Variants in APBA2 observed in about 807,000 individuals in gnomAD.
The protein encoded by APBA2 is amyloid beta precursor protein binding family A member 2, also known as amyloid-beta A4 precursor protein-binding family A member 2.
In APBA2, 30 loss-of-function variants were observed where a neutral mutation model predicts 75.0. That is an observed-to-expected ratio of 0.40 (90% confidence interval 0.30 to 0.54). The LOEUF is 0.54. Ranked by LOEUF, APBA2 falls within the 20% of genes least tolerant of loss-of-function variation. The probability of loss-of-function intolerance (pLI) is 0.49; values close to 1 mark genes in which losing one functional copy is unlikely to be tolerated. For missense variants in APBA2, 801 were observed against 1,016.1 expected, an observed-to-expected ratio of 0.79 and a Z score of 2.88; for synonymous variants, 444 against 409.6, an observed-to-expected ratio of 1.08 and a Z score of -1.01.
chr15:29,027,174 AAAAT>A (rs2040264115), intron 3 of APBA2, among the ~76,000 whole-genome samples: 1 of 152,242 alleles, frequency 6.6e-6, no homozygotes. Flanking sequence ...ATCCTTTCAT[AAAAT>A]AAATTGCTTC....
chr15:28,955,914 C>G (rs539504067), intron 2 of APBA2, among the ~76,000 whole-genome samples: 6 of 152,200 alleles, frequency 3.9e-5, no homozygotes, highest in Non-Finnish European at 5.9e-5. Flanking sequence ...CTCCTGCAGG[C>G]AGGGCCGTGG....
intron 3 of APBA2, among the ~76,000 whole-genome samples, chr15:29,016,988 GT>G (rs1287699049): frequency 1.3e-5 from 2 of 152,046 alleles, no homozygotes; most frequent in African/African-American, 4.8e-5. Flanking sequence ...CAAAATAACT[GT>G]GTAAGTTCAG....
chr15:29,104,472 G>T (rs1052806472), intron 10 of APBA2, among the ~76,000 whole-genome samples: 1 of 152,256 alleles, frequency 6.6e-6, no homozygotes, highest in Admixed American at 6.5e-5. Context: ...GCAGGCGGCC[G>T]GCCAGGCCCT....
At chr15:29,062,792 C>T (rs2042187718) in intron 4 of APBA2, among the ~76,000 whole-genome samples, 1 of 152,196 alleles carries the variant, frequency 6.6e-6, no homozygotes, top group Non-Finnish European at 1.5e-5. Flanking sequence ...GTTAGGAATG[C>T]TGGAGCCACA....
chr15:29,010,149 A>G (rs1474341312), intron 3 of APBA2, among the ~76,000 whole-genome samples: 1 of 152,166 alleles, frequency 6.6e-6, no homozygotes, highest in Non-Finnish European at 1.5e-5. Context: ...AGACTGTTGA[A>G]TATCTCTTTC....
At chr15:29,077,292 T>C (rs1361724475) in intron 6 of APBA2, among the ~76,000 whole-genome samples, 2 of 152,158 alleles carry the variant, frequency 1.3e-5, no homozygotes, top group Non-Finnish European at 2.9e-5. Flanking sequence ...AGCTGGCACC[T>C]CGTGAGCAGG....
intron 1 of APBA2, among the ~76,000 whole-genome samples, chr15:28,895,243 G>A (rs2032400551): frequency 1.3e-5 from 2 of 152,330 alleles, no homozygotes; most frequent in East Asian, 1.9e-4. Context: ...GGGTGACAGC[G>A]CAGGTGTGGC....
At chr15:28,888,008 C>T (rs2031871530) in intron 1 of APBA2, among the ~76,000 whole-genome samples, 1 of 152,080 alleles carries the variant, frequency 6.6e-6, no homozygotes. Context: ...TGGGTGGGCG[C>T]TGGAAGGAGG....
chr15:29,117,312 G>GTCT lies in APBA2; in HGVS notation c.*181_*183dup. ...TTTTCATTTTGCCAAAAAGGGGTAT[G>GTCT]TCTTTATCAAAGGAGAGTCACAGAA... is the stretch of plus-strand genomic sequence containing the variant. On this transcript the variant is annotated 3_prime_UTR_variant, in exon 15 of 15. Transcript: ENST00000683413. 1.6e-6 allele frequency: 1 copy of GTCT among 619,542 alleles called. No homozygotes were observed. Among genetic ancestry groups the GTCT allele is most frequent in the East Asian group, 2.7e-5 (1 of 36,428 alleles). The allele number at this position is 619,542 out of a possible 1,614,324, so 38.4% of individuals were successfully genotyped here.
At chr15:28,941,567 C>T (rs2035228857) in intron 2 of APBA2, among the ~76,000 whole-genome samples, 3 of 146,984 alleles carry the variant, frequency 2.0e-5, no homozygotes, top group Admixed American at 2.0e-4. Flanking sequence ...ACATAAAAGG[C>T]ACACATAGTG....
intron 6 of APBA2, 114 bp from the exon 7 acceptor site, chr15:29,092,961 C>G (rs1162880673): frequency 1.4e-6 from 2 of 1,398,168 alleles, no homozygotes; most frequent in Middle Eastern, 1.8e-4. Context: ...TTGGGCCCTT[C>G]TAGTTTGCCC....
intron 14 of APBA2, among the ~76,000 whole-genome samples, chr15:29,114,790 G>A (rs2044973976): frequency 3.4e-5 from 1 of 29,184 alleles, no homozygotes; most frequent in Non-Finnish European, 9.1e-4. Context: ...GTGTGGAGGA[G>A]TGTGTGTGTG....
At chr15:28,888,748 GTGGCGGGCGGTCC>G (rs750842187) in intron 1 of APBA2, among the ~76,000 whole-genome samples, 25 of 152,182 alleles carry the variant, frequency 1.6e-4, no homozygotes, top group Non-Finnish European at 3.1e-4. Flanking sequence ...CTGGGCCTGG[GTGGCGGGCGGTCC>G]TGGCTGTATC....
intron 3 of APBA2, among the ~76,000 whole-genome samples, chr15:29,002,837 A>G (rs1797834848): frequency 6.6e-6 from 1 of 152,062 alleles, no homozygotes; most frequent in Non-Finnish European, 1.5e-5. Flanking sequence ...GGAGACGAAG[A>G]GTGCACCCTG....
intron 3 of APBA2, among the ~76,000 whole-genome samples, chr15:29,047,134 G>A (rs529268914): frequency 6.6e-6 from 1 of 152,292 alleles, no homozygotes; most frequent in East Asian, 1.9e-4. Context: ...GGTCTGAATT[G>A]AAACAAGGAC....
intron 1 of APBA2, among the ~76,000 whole-genome samples, chr15:28,901,815 C>T (rs1240505541): frequency 6.6e-6 from 1 of 151,840 alleles, no homozygotes; most frequent in Non-Finnish European, 1.5e-5. Flanking sequence ...GTGAGCATTC[C>T]AGTGTTTGCA....
chr15:29,046,820 C>G lies in APBA2; in HGVS notation c.-40-7025C>G, dbSNP rs2041357952. ...GCACCCATATCCCACTGCAGGGATG[C>G]AATTTGCATACATAGCCAGGGACAG... is the stretch of plus-strand genomic sequence containing the variant. On this transcript the variant is annotated intron_variant, in intron 3 of 14. Transcript: ENST00000683413. This position sits in a 1 kb window ranked among gnomAD's most constrained non-coding sequence, Gnocchi z 5.0. Among the ~76,000 whole-genome samples, 1 of 152,224 alleles carries G rather than the reference C, an allele frequency of 6.6e-6. No individual in the cohort carries two copies. Among genetic ancestry groups the G allele is most frequent in the Admixed American group, 6.5e-5 (1 of 15,292 alleles).
chr15:28,890,836 G>A (rs1435659868), intron 1 of APBA2, among the ~76,000 whole-genome samples: 5 of 152,220 alleles, frequency 3.3e-5, no homozygotes, highest in Admixed American at 6.5e-5. Flanking sequence ...GTGTGGCCAC[G>A]TAGCCTTGGG....
chr15:29,045,133 A>G (rs1426635734), intron 3 of APBA2, among the ~76,000 whole-genome samples: 3 of 140,266 alleles, frequency 2.1e-5, no homozygotes, highest in African/African-American at 8.4e-5. Context: ...GCTGGAGTGC[A>G]ATGGCGTGAT....
Sources: gnomAD v4.1 joint callset for allele counts (sites outside exome capture counted in the v4.1 genomes callset) on GRCh38, gnomAD v4.1.1 for gene constraint, Gnocchi (gnomAD v3.1) non-coding constraint, MANE v1.5 for transcripts, NCBI Gene and HGNC (gene_info 2026-07-23, HGNC 2026-07-21) for gene names.